NIBAN1: variants seen among roughly 807,000 people sequenced by gnomAD.
NIBAN1 encodes niban apoptosis regulator 1.
Under a neutral mutation model 75.1 loss-of-function variants are expected in NIBAN1, and 81 were observed. That is an observed-to-expected ratio of 1.08 (90% CI 0.90 to 1.30). The LOEUF (loss-of-function observed/expected upper bound fraction) is 1.30, where lower values mean the gene tolerates loss of function less well. NIBAN1 is among the 50% of genes most tolerant of loss of function. The pLI is 0.00. For missense variants in NIBAN1, 1,133 were observed against 1,128.1 expected (o/e 1.00, Z -0.06); for synonymous variants, 436 against 424.8 (o/e 1.03, Z -0.32).
intron 5 of NIBAN1, among the ~76,000 whole-genome samples, chr1:184,877,935 C>T (rs996810925): frequency 6.6e-6 from 1 of 151,148 alleles, no homozygotes; most frequent in Non-Finnish European, 1.5e-5. Flanking sequence ...CTTAAATGAA[C>T]TTTAACTCTG....
chr1:184,831,438 T>C (rs1179165639), intron 6 of NIBAN1, among the ~76,000 whole-genome samples: 1 of 152,198 alleles, frequency 6.6e-6, no homozygotes, highest in Admixed American at 6.5e-5. Flanking sequence ...AATCTAAGAC[T>C]AAAAGAGGTT....
At chr1:184,870,527 G>A (rs574810895) in intron 5 of NIBAN1, among the ~76,000 whole-genome samples, 171 of 152,118 alleles carry the variant, frequency 1.1e-3, no homozygotes, top group African/African-American at 3.9e-3. Flanking sequence ...CATTTCCCCC[G>A]CTGTCAAGGT....
intron 1 of NIBAN1, among the ~76,000 whole-genome samples, chr1:184,901,104 A>G (rs1259773544): frequency 1.3e-5 from 2 of 152,176 alleles, no homozygotes; most frequent in Non-Finnish European, 2.9e-5. Flanking sequence ...AAAAACACCC[A>G]TAATGTATGA....
intron 5 of NIBAN1, among the ~76,000 whole-genome samples, chr1:184,833,444 G>A (rs916952796): frequency 3.3e-5 from 5 of 151,916 alleles, no homozygotes; most frequent in South Asian, 4.2e-4. Context: ...GTGGTGGCTC[G>A]CACCTGTAAT....
At chr1:184,808,326 A>C in intron 9 of NIBAN1, 91 bp from the exon 10 acceptor site, 1 of 1,313,976 alleles carries the variant, frequency 7.6e-7, no homozygotes, top group Non-Finnish European at 1.0e-6. Context: ...CTAAGCAATC[A>C]AATGCAAGTT....
chr1:184,826,718 T>G (rs1427028343), intron 6 of NIBAN1, among the ~76,000 whole-genome samples: 1 of 152,214 alleles, frequency 6.6e-6, no homozygotes, highest in Non-Finnish European at 1.5e-5. Context: ...AGAAAAATAA[T>G]GTTCCATTTG....
intron 1 of NIBAN1, among the ~76,000 whole-genome samples, chr1:184,964,512 C>G (rs1174460500): frequency 6.6e-6 from 1 of 152,214 alleles, no homozygotes; most frequent in Non-Finnish European, 1.5e-5. Context: ...GGCTGGATGA[C>G]TTTGGCCAGG....
In NIBAN1 at chr1:184,884,619, G is replaced by T; in HGVS notation, c.601+14C>A. 6.2e-7 allele frequency: 1 copy of T among 1,613,566 alleles called. No individual in the cohort carries two copies. Among genetic ancestry groups the T allele is most frequent in the Non-Finnish European group, 8.5e-7 (1 of 1,179,656 alleles). On this transcript the variant is annotated intron_variant, in intron 5 of 13. Coordinates refer to ENST00000367511, the MANE Select transcript of NIBAN1 (RefSeq NM_052966.4). ...ACTTCCCGCCCCGGGGATGAGAGGG[G>T]AGCCGCGCCATACCATGATTGAGAT...
rs149006115 is a variant in NIBAN1, at chr1:184,912,175, CAT to C, written c.56-12868_56-12867del. Among the ~76,000 whole-genome samples the C allele has an allele frequency of 3.2e-3, 493 of 152,180 alleles. 11 individuals are homozygous for C. The East Asian group carries it at 0.073, about 22-fold the overall frequency. ...ATATGTATGTAAATATATATACACA[CAT>C]GTACATGGTATATTTAATTCTAGTT... On this transcript the variant is annotated intron_variant, in intron 1 of 13. Coordinates refer to ENST00000367511, the MANE Select transcript of NIBAN1 (RefSeq NM_052966.4).
At chr1:184,965,209 G>A (rs995358916) in intron 1 of NIBAN1, among the ~76,000 whole-genome samples, 5 of 151,988 alleles carry the variant, frequency 3.3e-5, no homozygotes, top group African/African-American at 1.2e-4. Flanking sequence ...TGACGCAGGA[G>A]AATGGCGTGA....
At chr1:184,828,798 G>T (rs1654915383) in intron 6 of NIBAN1, among the ~76,000 whole-genome samples, 1 of 130,338 alleles carries the variant, frequency 7.7e-6, no homozygotes, top group Admixed American at 8.8e-5. Context: ...AATTCTGAGA[G>T]AAGCAAAACC....
intron 1 of NIBAN1, among the ~76,000 whole-genome samples, chr1:184,928,760 C>T (rs73050699): frequency 0.046 from 6,931 of 152,224 alleles, 165 homozygotes; most frequent in Non-Finnish European, 0.053. Flanking sequence ...TTTGGTGCCT[C>T]TTTCAGTGAT....
rs1434838754 is a variant in NIBAN1, at chr1:184,884,714, C to T, written c.520G>A (p.Gly174Ser). ...VYLWQPFFRH[G>S]YFCFHEAADQ... The stretch of plus-strand genomic sequence containing the variant: ...GCAGCCTCGTGGAAGCAGAAGTAGC[C>T]GTGTCTGAAGAAGGGCTGCCACAGG... Residue 174 changes from glycine to serine, a missense_variant, in exon 5 of 14, where the codon GGC becomes AGC. Coordinates refer to ENST00000367511, the MANE Select transcript of NIBAN1 (RefSeq NM_052966.4). The T allele has an allele frequency of 6.8e-6, 11 of 1,614,050 alleles. No homozygotes were observed. Among genetic ancestry groups the T allele is most frequent in the Admixed American group, 6.7e-5 (4 of 60,008 alleles).
intron 5 of NIBAN1, among the ~76,000 whole-genome samples, chr1:184,884,180 T>C (rs1429575335): frequency 6.6e-6 from 1 of 151,274 alleles, no homozygotes; most frequent in African/African-American, 2.4e-5. Context: ...TTTACCTGTT[T>C]CCCTCTTCTT....
At chr1:184,900,380 G>T (rs145917494) in intron 1 of NIBAN1, among the ~76,000 whole-genome samples, 13 of 152,234 alleles carry the variant, frequency 8.5e-5, no homozygotes, top group Non-Finnish European at 1.9e-4. Flanking sequence ...GACTCTCAAG[G>T]CTCCAGAATC....
rs1655011093 is a variant in NIBAN1, at chr1:184,831,935, G to A, written c.629C>T (p.Ala210Val). 6.2e-7 allele frequency: 1 copy of A among 1,613,818 alleles called. No individual in the cohort carries two copies. Among genetic ancestry groups the A allele is most frequent in the Admixed American group, 1.7e-5 (1 of 59,988 alleles). ...HDYMKQMTFE[A>V]QAFLEAVQFF... ...TTGCACAGCTTCTAAAAAGGCTTGGGCTTCAAATGTCATCTGCTTCATGTA... is the reference window on the plus strand; with the variant it reads ...TTGCACAGCTTCTAAAAAGGCTTGGACTTCAAATGTCATCTGCTTCATGTA... Residue 210 changes from alanine (A) to valine (V), a missense_variant, in exon 6 of 14, where the codon GCC becomes GTC. Coordinates refer to ENST00000367511, the MANE Select transcript of NIBAN1 (RefSeq NM_052966.4).
At position 184,890,232 on chromosome 1, in the gene NIBAN1, G is replaced by C; in HGVS notation, c.319-10C>G. The C allele has an allele frequency of 5.0e-6, 8 of 1,588,280 alleles. No homozygotes were observed. The highest frequency in any genetic ancestry group is 6.9e-6 in the Non-Finnish European group (8 of 1,156,566). ...CTCCTCTCTGATAGGCCTGGGGAGGGAAAGGCACACAGGAATGATATCTTT... is the reference window on the plus strand; with the variant it reads ...CTCCTCTCTGATAGGCCTGGGGAGGCAAAGGCACACAGGAATGATATCTTT... On this transcript the variant is annotated splice_polypyrimidine_tract_variant and intron_variant, in intron 3 of 13. Coordinates refer to ENST00000367511, the MANE Select transcript of NIBAN1 (RefSeq NM_052966.4).
At chr1:184,967,482 A>G (rs1658826111) in intron 1 of NIBAN1, among the ~76,000 whole-genome samples, 1 of 152,190 alleles carries the variant, frequency 6.6e-6, no homozygotes, top group African/African-American at 2.4e-5. Flanking sequence ...CATGATTCAC[A>G]CTGCATATTT....
chr1:184,903,790 G>A (rs563783845), intron 1 of NIBAN1, among the ~76,000 whole-genome samples: 231 of 143,650 alleles, frequency 1.6e-3, no homozygotes, highest in Admixed American at 4.4e-3. Flanking sequence ...GGCTTGGAGT[G>A]CAGTGCTGCA....
Sources: gnomAD v4.1 joint callset for allele counts (sites outside exome capture counted in the v4.1 genomes callset) on GRCh38, gnomAD v4.1.1 for gene constraint, MANE v1.5 for transcripts, NCBI Gene and HGNC (gene_info 2026-07-23, HGNC 2026-07-21) for gene names.